KANSL1: variants seen among roughly 807,000 people sequenced by gnomAD.
KANSL1 encodes the protein KAT8 regulatory NSL complex subunit 1, also known as MLL1/MLL complex subunit KANSL1.
A neutral mutation model predicts 103.6 loss-of-function variants in KANSL1; 22 were observed. The observed-to-expected ratio is 0.21, with a 90% CI of 0.15 to 0.30. The LOEUF (loss-of-function observed/expected upper bound fraction) is 0.30. KANSL1 is among the 10% of genes least tolerant of loss of function. The pLI is 1.00. For missense variants in KANSL1, 1,337 were observed against 1,399.8 expected (o/e 0.96, Z 0.72); for synonymous variants, 600 against 527.6 (o/e 1.14, Z -1.88).
intron 1 of KANSL1, among the ~76,000 whole-genome samples, chr17:46,218,408 A>G (rs1429068827): frequency 6.6e-6 from 1 of 152,264 alleles, no homozygotes; most frequent in Non-Finnish European, 1.5e-5. Flanking sequence ...CAAGGTTCTA[A>G]GAGGTTAATG....
intron 2 of KANSL1, among the ~76,000 whole-genome samples, chr17:46,163,620 C>A (rs2141299): frequency 0.14 from 21,945 of 152,084 alleles, 2,137 homozygotes; most frequent in Non-Finnish European, 0.22. Flanking sequence ...CTCATGAGCT[C>A]TTAAGATTAT....
intron 2 of KANSL1, among the ~76,000 whole-genome samples, chr17:46,147,576 A>ATTT (rs1363948194): frequency 9.1e-6 from 1 of 110,352 alleles, no homozygotes; most frequent in Admixed American, 9.6e-5. Context: ...ACTCTTTAAA[A>ATTT]AAAAAAAAAA....
intron 1 of KANSL1, among the ~76,000 whole-genome samples, chr17:46,200,926 A>G (rs1399420599): frequency 6.6e-6 from 1 of 150,514 alleles, no homozygotes; most frequent in East Asian, 2.0e-4. Context: ...TTTTTTTGAG[A>G]CACAGTCTCA....
chr17:46,094,984 A>T (rs1457150615), intron 2 of KANSL1, among the ~76,000 whole-genome samples: 1 of 152,256 alleles, frequency 6.6e-6, no homozygotes, highest in Admixed American at 6.5e-5. Flanking sequence ...GGACAATAAA[A>T]TTATTGTCCA....
intron 2 of KANSL1, among the ~76,000 whole-genome samples, chr17:46,129,450 G>T (rs914862913): frequency 7.2e-5 from 11 of 152,210 alleles, no homozygotes; most frequent in African/African-American, 2.4e-4. Context: ...ATAAATCACA[G>T]TATCTCAGCA....
chr17:46,189,906 CAAAAAA>C (rs55934305), intron 1 of KANSL1, among the ~76,000 whole-genome samples: 1 of 112,478 alleles, frequency 8.9e-6, no homozygotes, highest in Non-Finnish European at 1.8e-5. Flanking sequence ...GACCCTGCCT[CAAAAAA>C]AAAAAAAAAA....
At chr17:46,154,454 T>C (rs1181037147) in intron 2 of KANSL1, among the ~76,000 whole-genome samples, 1 of 152,012 alleles carries the variant, frequency 6.6e-6, no homozygotes, top group African/African-American at 2.4e-5. Flanking sequence ...TCATTTCTTG[T>C]GGTTTATTGT....
chr17:46,034,153 G>A lies in KANSL1; in HGVS notation c.2666+8C>T, dbSNP rs781138165. On this transcript the variant is annotated splice_region_variant and intron_variant, in intron 11 of 14. Transcript: ENST00000432791. The stretch of plus-strand genomic sequence containing the variant: ...TGGGGAGAGGAGCCAACTATTCTGA[G>A]CTTCTACCTGGGCGTAAGGATTTCC... 4 of 1,613,562 alleles carry A rather than the reference G, an allele frequency of 2.5e-6. No homozygotes were observed. The Admixed American group carries it at 6.7e-5, about 27-fold the overall frequency.
intron 7 of KANSL1, chr17:46,042,892 A>G (rs1396553319): frequency 6.6e-6 from 1 of 151,114 alleles, no homozygotes; most frequent in African/African-American, 2.4e-5. Context: ...GAAACAAATT[A>G]GGAAAACTAT....
chr17:46,154,651 C>A (rs1013182267), intron 2 of KANSL1, among the ~76,000 whole-genome samples: 2 of 152,204 alleles, frequency 1.3e-5, no homozygotes, highest in Admixed American at 6.5e-5. Flanking sequence ...AGTGGTCTGA[C>A]TCACCAAACC....
chr17:46,067,180 G>T (rs1568410466), intron 5 of KANSL1, among the ~76,000 whole-genome samples: 1 of 152,116 alleles, frequency 6.6e-6, no homozygotes, highest in Non-Finnish European at 1.5e-5. Flanking sequence ...TGAATCTTTT[G>T]TTTTCTCCCT....
At chr17:46,084,173 G>A (rs2079077863) in intron 3 of KANSL1, among the ~76,000 whole-genome samples, 1 of 145,242 alleles carries the variant, frequency 6.9e-6, no homozygotes, top group Non-Finnish European at 1.6e-5. Flanking sequence ...GAGGTCGTCA[G>A]GAGTTCAAGA....
At chr17:46,176,925 C>T (rs2732645) in intron 1 of KANSL1, among the ~76,000 whole-genome samples, 18,133 of 149,734 alleles carry the variant, frequency 0.12, 23 homozygotes, top group Middle Eastern at 0.19. Flanking sequence ...CCACTTTTTC[C>T]GAAAAAATTC....
intron 2 of KANSL1, among the ~76,000 whole-genome samples, chr17:46,163,580 T>C (rs2045854281): frequency 6.6e-6 from 1 of 152,330 alleles, no homozygotes; most frequent in South Asian, 2.1e-4. Flanking sequence ...GAAACCTTCA[T>C]TTTTAAGACT....
intron 7 of KANSL1, among the ~76,000 whole-genome samples, chr17:46,047,046 G>C (rs1568383876): frequency 6.6e-6 from 1 of 152,168 alleles, no homozygotes; most frequent in Non-Finnish European, 1.5e-5. Flanking sequence ...TTGTGTTCAA[G>C]TTTATTTATT....
chr17:46,125,500 C>A (rs2043513450), intron 2 of KANSL1, among the ~76,000 whole-genome samples: 15 of 152,146 alleles, frequency 9.9e-5, no homozygotes, highest in Admixed American at 9.8e-4. Flanking sequence ...CAAATAAAGG[C>A]ACTCCCCCTA....
intron 1 of KANSL1, among the ~76,000 whole-genome samples, chr17:46,220,248 CCTCT>C (rs2148064272): frequency 6.6e-6 from 1 of 151,032 alleles, no homozygotes; most frequent in South Asian, 2.1e-4. Flanking sequence ...ACGGAGTCTC[CCTCT>C]GTCGCCCAGA....
intron 2 of KANSL1, among the ~76,000 whole-genome samples, chr17:46,120,844 A>G (rs1003573789): frequency 3.9e-5 from 6 of 152,226 alleles, no homozygotes; most frequent in African/African-American, 1.4e-4. Context: ...TACAATATGC[A>G]ATACCAAAAA....
rs149033078 is a variant in KANSL1 at position 46,094,845 on chromosome 17, A to G, written c.1290-144T>C. 5.6e-6 allele frequency: 5 copies of G among 898,942 alleles called. No individual in the cohort carries two copies. In the East Asian group the frequency reaches 1.3e-4, roughly 24 times the overall value. The allele number at this position is 898,942 out of a possible 1,614,324, so 55.7% of individuals were successfully genotyped here. The stretch of plus-strand genomic sequence containing the variant: ...GAAAAACCCAAGAGAGAGACAAGAC[A>G]CCTCCCGCTCATCAGGATGCACATG... On this transcript the variant is annotated intron_variant, in intron 2 of 14. Coordinates refer to ENST00000432791, the MANE Select transcript of KANSL1 (RefSeq NM_015443.4).
Sources: allele counts gnomAD v4.1 joint callset (sites outside exome capture counted in the v4.1 genomes callset), GRCh38; gene constraint gnomAD v4.1.1; transcripts MANE v1.5; gene names NCBI Gene and HGNC (gene_info 2026-07-23, HGNC 2026-07-21).